The following GCLC variants were observed in gnomAD, a reference collection of about 807,000 sequenced individuals.
The protein encoded by GCLC is glutamate-cysteine ligase catalytic subunit.
Under a neutral mutation model 81.5 loss-of-function variants are expected in GCLC, and 30 were observed. The observed-to-expected ratio is 0.37, with a 90% CI of 0.28 to 0.50. The LOEUF is 0.50. Ranked by LOEUF, GCLC falls within the 20% of genes least tolerant of loss-of-function variation. The probability of loss-of-function intolerance (pLI) is 0.96; values close to 1 mark genes in which losing one functional copy is unlikely to be tolerated. For missense variants in GCLC, 556 were observed against 777.4 expected (o/e 0.72, Z 3.39); for synonymous variants, 262 against 273.3 (o/e 0.96, Z 0.41).
intron 12 of GCLC, chr6:53,503,188 G>A (rs1356619958): frequency 6.6e-6 from 1 of 152,240 alleles, no homozygotes; most frequent in African/African-American, 2.4e-5. Context: ...ATTACGAAGA[G>A]ACATCTGAAG....
chr6:53,519,986 C>T (rs762323342), intron 3 of GCLC, among the ~76,000 whole-genome samples: 11 of 152,184 alleles, frequency 7.2e-5, no homozygotes, highest in Non-Finnish European at 1.6e-4. Context: ...AAAGTGTTCT[C>T]CACCATTGAT....
intron 6 of GCLC, among the ~76,000 whole-genome samples, chr6:53,510,703 T>A (rs1385958034): frequency 6.6e-6 from 1 of 152,220 alleles, no homozygotes; most frequent in Non-Finnish European, 1.5e-5. Flanking sequence ...ACTGTTATAA[T>A]CTCAACCTGT....
intron 15 of GCLC, among the ~76,000 whole-genome samples, chr6:53,499,408 T>G (rs1460006712): frequency 6.6e-5 from 10 of 151,742 alleles, no homozygotes; most frequent in Admixed American, 6.6e-4. Flanking sequence ...GTAAGTAGAG[T>G]GAATGAAGTG....
chr6:53,507,117 T>C (rs1764630936), intron 9 of GCLC, 92 bp from the exon 10 acceptor site: 1 of 776,674 alleles, frequency 1.3e-6, no homozygotes, highest in African/African-American at 1.7e-5. Context: ...TCAGGAAGTT[T>C]GAAGAAAGGG....
intron 1 of GCLC, among the ~76,000 whole-genome samples, chr6:53,534,138 G>A (rs1293711086): frequency 6.6e-6 from 1 of 152,204 alleles, no homozygotes; most frequent in Non-Finnish European, 1.5e-5. Flanking sequence ...GGTGACCCCA[G>A]GTCTTCGACT....
At position 53,514,009 on chromosome 6, in the gene GCLC, T is replaced by C. The variant is rs966821312; in HGVS notation, c.753+195A>G. ...TATACCTTTGTGGTGAACAACAGAGTCTGTAGAACTATTAGTCATAGACAG... is the reference window on the plus strand; with the variant it reads ...TATACCTTTGTGGTGAACAACAGAGCCTGTAGAACTATTAGTCATAGACAG... On this transcript the variant is annotated intron_variant, in intron 6 of 15. Transcript: ENST00000650454. 6 of 614,482 alleles carry C rather than the reference T, an allele frequency of 9.8e-6. No individual in the cohort carries two copies. The Admixed American group carries it at 1.1e-4, about 12-fold the overall frequency. 38.1% of individuals were successfully genotyped at this position (614,482 alleles called of 1,614,324 possible).
At chr6:53,534,246 A>G (rs1763221201) in intron 1 of GCLC, among the ~76,000 whole-genome samples, 1 of 152,240 alleles carries the variant, frequency 6.6e-6, no homozygotes, top group South Asian at 2.1e-4. Context: ...TAACAGAGAT[A>G]CTAAATGATG....
intron 1 of GCLC, among the ~76,000 whole-genome samples, chr6:53,531,824 C>T (rs1447955304): frequency 6.6e-6 from 1 of 152,224 alleles, no homozygotes; most frequent in African/African-American, 2.4e-5. Context: ...TTATCCTGCC[C>T]AGAGCAGCCT....
intron 4 of GCLC, 115 bp downstream of exon 4, chr6:53,515,994 A>G (rs1239614317): frequency 5.7e-6 from 4 of 707,924 alleles, no homozygotes; most frequent in Non-Finnish European, 1.0e-5. Context: ...TTACTTAGGA[A>G]GAGAGCCAAA....
intron 1 of GCLC, among the ~76,000 whole-genome samples, chr6:53,541,606 T>TG (rs549943310): frequency 0.019 from 2,846 of 148,718 alleles, 111 homozygotes; most frequent in African/African-American, 0.065. Flanking sequence ...AATATGTTAG[T>TG]AGGGTGGGGG....
chr6:53,505,090 G>A (rs956653105), intron 12 of GCLC, among the ~76,000 whole-genome samples: 5 of 152,004 alleles, frequency 3.3e-5, no homozygotes, highest in South Asian at 2.1e-4. Flanking sequence ...GACTTTTACC[G>A]GCATTCCAGC....
Position 53,520,833 on chromosome 6 carries a change from C to A in GCLC, c.391G>T (p.Ala131Ser). 1.2e-6 allele frequency: 2 copies of A among 1,614,078 alleles called. No individual in the cohort carries two copies. The highest frequency in any genetic ancestry group is 2.2e-5 in the South Asian group (2 of 91,080). The change falls in exon 3 of 16, where the codon GCT becomes TCT. Residue 131 changes from alanine (A) to serine (S), a missense_variant. Ala to Ser is a moderately conservative substitution (Grantham distance 99). Transcript: ENST00000650454. The stretch of plus-strand genomic sequence containing the variant: ...TGATTTTCTTCTAATATAGAAGTAG[C>A]CTCCTTCCGGCGTTTTCGCATGTTG... The part of the protein sequence containing the change: ...EANMRKRRKE[A>S]TSILEENQAL...
intron 1 of GCLC, among the ~76,000 whole-genome samples, chr6:53,535,569 T>C (rs371136185): frequency 6.6e-6 from 1 of 152,076 alleles, no homozygotes; most frequent in East Asian, 1.9e-4. Context: ...AGGAAATATT[T>C]GCAAAGTTTG....
Position 53,506,357 on chromosome 6 carries a change from C to A in GCLC, c.1198-462G>T. ...TAAGAAGGGTAGCTGTTTCTCAATA[C>A]ACTGAGAGAGAGTTCTTTCTCCGTC... On this transcript the variant is annotated intron_variant, in intron 10 of 15. Coordinates refer to ENST00000650454, the MANE Select transcript of GCLC (RefSeq NM_001498.4). The surrounding 1 kb of genome is among the most constrained non-coding windows in gnomAD (Gnocchi z 4.0). The A allele has an allele frequency of 4.1e-6, 1 of 244,592 alleles. No individual in the cohort carries two copies. Among genetic ancestry groups the A allele is most frequent in the Non-Finnish European group, 8.0e-6 (1 of 125,138 alleles). The allele number at this position is 244,592 out of a possible 1,614,324, so 15.2% of individuals were successfully genotyped here.
At position 53,544,941 on chromosome 6, in the gene GCLC, T is replaced by G; in HGVS notation, c.-296A>C. Reference sequence around the variant, plus strand: ...GCCTCGCCCTCCCCGCTGCTCCTCCTCCCGCTCCGATGCGGCGGCGGCGGA... The same window carrying G: ...GCCTCGCCCTCCCCGCTGCTCCTCCGCCCGCTCCGATGCGGCGGCGGCGGA... On this transcript the variant is annotated 5_prime_UTR_variant, in exon 1 of 16. Coordinates refer to ENST00000650454, the MANE Select transcript of GCLC (RefSeq NM_001498.4). 8.7e-6 allele frequency: 2 copies of G among 228,690 alleles called. No individual in the cohort carries two copies. The highest frequency in any genetic ancestry group is 5.8e-5 in the Admixed American group (1 of 17,194). The allele number at this position is 228,690 out of a possible 1,614,324, so 14.2% of individuals were successfully genotyped here.
rs909526773 is a variant in GCLC, at chr6:53,544,743, C to T, written c.-98G>A. ...TCAGCCGCCCGCAGAAGGCGGCTGC[C>T]GCTCCACCCCGCGGGGGCGCTCTCG... On this transcript the variant is annotated 5_prime_UTR_variant, in exon 1 of 16. Transcript: ENST00000650454. The T allele has an allele frequency of 5.0e-6, 6 of 1,203,718 alleles. No individual in the cohort carries two copies. Among genetic ancestry groups the T allele is most frequent in the East Asian group, 5.4e-5 (2 of 36,854 alleles). The allele number at this position is 1,203,718 out of a possible 1,614,324, so 74.6% of individuals were successfully genotyped here.
chr6:53,513,713 T>C (rs976771844), intron 6 of GCLC: 1 of 171,368 alleles, frequency 5.8e-6, no homozygotes, highest in Non-Finnish European at 1.3e-5. Flanking sequence ...CCTGTATACT[T>C]TACTCAGGGG....
At chr6:53,502,991 G>A (rs1312694760) in intron 12 of GCLC, among the ~76,000 whole-genome samples, 2 of 152,208 alleles carry the variant, frequency 1.3e-5, no homozygotes, top group African/African-American at 4.8e-5. Flanking sequence ...AAGCACTAAT[G>A]AGTATCTACC....
At chr6:53,531,250 G>A (rs1561949854) in intron 1 of GCLC, among the ~76,000 whole-genome samples, 1 of 152,166 alleles carries the variant, frequency 6.6e-6, no homozygotes, top group Non-Finnish European at 1.5e-5. Flanking sequence ...GGGCCATGAT[G>A]AGTTGTGATC....
Sources: allele counts gnomAD v4.1 joint callset (sites outside exome capture counted in the v4.1 genomes callset), GRCh38; gene constraint gnomAD v4.1.1; non-coding constraint Gnocchi (gnomAD v3.1); transcripts MANE v1.5; gene names NCBI Gene and HGNC (gene_info 2026-07-23, HGNC 2026-07-21).